The following CCND3 variants were observed in gnomAD, a reference collection of about 807,000 sequenced individuals.
CCND3 encodes the protein G1/S-specific cyclin-D3.
CCND3 carries 9 observed loss-of-function variants against 28.7 expected under a neutral mutation model. The ratio of observed to expected loss-of-function variants is 0.31; its 90% CI spans 0.19 to 0.55. The LOEUF (loss-of-function observed/expected upper bound fraction) is 0.55, where lower values mean the gene tolerates loss of function less well. Ranked by LOEUF, CCND3 falls within the 20% of genes least tolerant of loss-of-function variation. The pLI is 0.93. For missense variants in CCND3, 315 were observed against 385.8 expected (o/e 0.82, Z 1.54); for synonymous variants, 164 against 163.9 (o/e 1.00, Z 0.00).
intron 1 of CCND3, among the ~76,000 whole-genome samples, chr6:42,008,850 T>C (rs1396502558): frequency 1.3e-5 from 2 of 152,124 alleles, no homozygotes; most frequent in Admixed American, 6.6e-5. Context: ...CAGAATATAG[T>C]TGAAAGGTAA....
At chr6:42,045,829 C>T (rs2127442895) in intron 1 of CCND3, among the ~76,000 whole-genome samples, 1 of 152,338 alleles carries the variant, frequency 6.6e-6, no homozygotes, top group Admixed American at 6.5e-5. Context: ...CCCAGCCCTC[C>T]CTAAACTTCC....
At chr6:41,944,819 T>G (rs1174350634), upstream of CCND3, among the ~76,000 whole-genome samples, 1 of 152,130 alleles carries the variant, frequency 6.6e-6, no homozygotes, top group Non-Finnish European at 1.5e-5. Flanking sequence ...GAGCTCCTGG[T>G]GAGCAGGACT....
chr6:41,955,827 C>T (rs1033140234), intron 1 of CCND3, among the ~76,000 whole-genome samples: 9 of 151,864 alleles, frequency 5.9e-5, no homozygotes, highest in Admixed American at 2.0e-4. Flanking sequence ...TGGTGCATGC[C>T]TGCAGTCTCA....
chr6:42,003,010 A>G (rs1222077857), intron 1 of CCND3, among the ~76,000 whole-genome samples: 4 of 151,348 alleles, frequency 2.6e-5, no homozygotes, highest in Non-Finnish European at 5.9e-5. Context: ...TAAAAATACA[A>G]TATTAGCTGG....
chr6:42,007,814 C>G (rs1488426443), intron 1 of CCND3, among the ~76,000 whole-genome samples: 1 of 152,116 alleles, frequency 6.6e-6, no homozygotes, highest in East Asian at 1.9e-4. Flanking sequence ...TTTTGGAATG[C>G]TGGCGATCCA....
chr6:41,967,203 G>A (rs1027036631), intron 1 of CCND3, among the ~76,000 whole-genome samples: 34 of 152,140 alleles, frequency 2.2e-4, no homozygotes, highest in African/African-American at 8.0e-4. Context: ...TTTTGAAAGG[G>A]GGAAGGCGGA....
chr6:42,044,252 T>C (rs1325826302), intron 1 of CCND3, among the ~76,000 whole-genome samples: 1 of 152,218 alleles, frequency 6.6e-6, no homozygotes, highest in Non-Finnish European at 1.5e-5. Flanking sequence ...TCAAAAGCAG[T>C]TCTCTGGGCC....
intron 1 of CCND3, among the ~76,000 whole-genome samples, chr6:42,000,230 C>T (rs919877285): frequency 1.0e-4 from 7 of 68,604 alleles, no homozygotes; most frequent in Non-Finnish European, 1.9e-4. Context: ...AATTTGAAAA[C>T]ATACTTTTTT....
At position 41,939,776 on chromosome 6, in the gene CCND3, C is replaced by G. The variant is rs1278190967; in HGVS notation, c.414+594G>C. ...CTGCTCCAGTTCCTCAGAATGAGGA[C>G]GAGGAAGGATTAGGAAGAAGCTGTT... On this transcript the variant is annotated intron_variant, in intron 2 of 4. Coordinates refer to ENST00000372991, the MANE Select transcript of CCND3 (RefSeq NM_001760.5). This position sits in a 1 kb window ranked among gnomAD's most constrained non-coding sequence, Gnocchi z 4.2. Among the ~76,000 whole-genome samples the G allele has an allele frequency of 1.3e-5, 2 of 152,032 alleles. No homozygotes were observed. Among genetic ancestry groups the G allele is most frequent in the African/African-American group, 4.8e-5 (2 of 41,380 alleles).
At chr6:41,973,046 A>G (rs1762077897) in intron 1 of CCND3, among the ~76,000 whole-genome samples, 2 of 152,080 alleles carry the variant, frequency 1.3e-5, no homozygotes, top group Admixed American at 6.6e-5. Flanking sequence ...TGTCTGGGTA[A>G]TGTCAATGAG....
At chr6:41,986,960 A>G (rs1561974002) in intron 1 of CCND3, among the ~76,000 whole-genome samples, 2 of 152,074 alleles carry the variant, frequency 1.3e-5, no homozygotes, top group African/African-American at 4.8e-5. Flanking sequence ...TCATCTTCAT[A>G]GTATAATATG....
At chr6:42,017,932 C>T (rs1424288484) in intron 1 of CCND3, among the ~76,000 whole-genome samples, 5 of 151,462 alleles carry the variant, frequency 3.3e-5, no homozygotes, top group South Asian at 2.1e-4. Flanking sequence ...AGGCGGATCA[C>T]GAGGTCAGGA....
At chr6:41,992,570 T>TC (rs1209320908) in intron 1 of CCND3, among the ~76,000 whole-genome samples, 25 of 148,664 alleles carry the variant, frequency 1.7e-4, no homozygotes, top group African/African-American at 5.0e-4. Context: ...TGCCTCAGCC[T>TC]CCTAAGTAGC....
At chr6:42,045,492 T>A (rs1764513685) in intron 1 of CCND3, among the ~76,000 whole-genome samples, 1 of 152,240 alleles carries the variant, frequency 6.6e-6, no homozygotes, top group Non-Finnish European at 1.5e-5. Flanking sequence ...ATTCAGCTCC[T>A]AAGTGGCAAT....
At chr6:42,047,038 T>C (rs1312738239) in intron 1 of CCND3, among the ~76,000 whole-genome samples, 1 of 152,226 alleles carries the variant, frequency 6.6e-6, no homozygotes, top group Non-Finnish European at 1.5e-5. Flanking sequence ...CATAGGACTA[T>C]ATTAGGAGGT....
chr6:42,020,256 T>A (rs9394850), intron 1 of CCND3, among the ~76,000 whole-genome samples: 2 of 151,790 alleles, frequency 1.3e-5, no homozygotes, highest in African/African-American at 4.8e-5. Context: ...CACTCCAGCC[T>A]GGGCGGCAGA....
At chr6:42,023,082 C>G (rs1005493382) in intron 1 of CCND3, among the ~76,000 whole-genome samples, 1 of 152,228 alleles carries the variant, frequency 6.6e-6, no homozygotes, top group Non-Finnish European at 1.5e-5. Context: ...GCTTTGTCAT[C>G]TTTCACAGAC....
chr6:42,000,125 C>T (rs1762945992), intron 1 of CCND3, among the ~76,000 whole-genome samples: 1 of 147,302 alleles, frequency 6.8e-6, no homozygotes, highest in Admixed American at 6.9e-5. Context: ...GGTCATAAAG[C>T]AAGTCTCAAA....
At chr6:41,983,086 G>A (rs1388229633) in intron 1 of CCND3, among the ~76,000 whole-genome samples, 4 of 152,122 alleles carry the variant, frequency 2.6e-5, no homozygotes, top group South Asian at 2.1e-4. Context: ...CAAATAAAAA[G>A]GTATATGTTG....
Sources: allele counts gnomAD v4.1 joint callset (sites outside exome capture counted in the v4.1 genomes callset), GRCh38; gene constraint gnomAD v4.1.1; non-coding constraint Gnocchi (gnomAD v3.1); transcripts MANE v1.5; gene names NCBI Gene and HGNC (gene_info 2026-07-23, HGNC 2026-07-21).